Variants in NFRKB observed in about 807,000 individuals in gnomAD.
NFRKB encodes the protein nuclear factor related to kappaB binding protein.
NFRKB carries 62 observed loss-of-function variants against 135.7 expected under a neutral mutation model. That is an observed-to-expected ratio of 0.46 (90% CI 0.37 to 0.56). The LOEUF (loss-of-function observed/expected upper bound fraction) is 0.56, where lower values mean the gene tolerates loss of function less well. Among genes scored for constraint, NFRKB ranks in the 20% least tolerant of loss-of-function variants. The probability of loss-of-function intolerance (pLI) is 0.00; values close to 1 mark genes in which losing one functional copy is unlikely to be tolerated. For missense variants in NFRKB, 1,545 were observed against 1,662.0 expected, an observed-to-expected ratio of 0.93 and a Z score of 1.22; for synonymous variants, 678 against 635.6, an observed-to-expected ratio of 1.07 and a Z score of -1.00.
chr11:129,870,361 T>A lies in NFRKB; in HGVS notation c.2764-100A>T, dbSNP rs910886237. The A allele has an allele frequency of 2.0e-5, 20 of 1,016,718 alleles. No individual in the cohort carries two copies. The African/African-American group carries it at 3.4e-4, about 17-fold the overall frequency. The allele number at this position is 1,016,718 out of a possible 1,614,324, so 63.0% of individuals were successfully genotyped here. On this transcript the variant is annotated intron_variant, in intron 23 of 26. Coordinates refer to ENST00000682444, the MANE Select transcript of NFRKB (RefSeq NM_001143835.2). ...CCGTTTCATGGGTAGATGTTTTGTA[T>A]TTTTTTTTTAACTTTTTATTTTGCA...
intron 13 of NFRKB, among the ~76,000 whole-genome samples, chr11:129,879,413 G>A (rs1369575197): frequency 2.6e-5 from 4 of 152,116 alleles, no homozygotes; most frequent in Admixed American, 6.5e-5. Flanking sequence ...CAGATGGGGG[G>A]AGTGCTTGCA....
At chr11:129,870,685 G>A (rs2135639650) in intron 23 of NFRKB, among the ~76,000 whole-genome samples, 1 of 152,226 alleles carries the variant, frequency 6.6e-6, no homozygotes, top group African/African-American at 2.4e-5. Flanking sequence ...TCCTGCCTCA[G>A]TCTCCTGAGT....
At chr11:129,882,886 C>A (rs531660070) in intron 9 of NFRKB, among the ~76,000 whole-genome samples, 2 of 152,072 alleles carry the variant, frequency 1.3e-5, no homozygotes, top group Non-Finnish European at 2.9e-5. Flanking sequence ...CCGGTTCAAG[C>A]GATTCTCCCA....
At chr11:129,872,763 G>C in intron 23 of NFRKB, 121 bp downstream of exon 23, 1 of 1,011,394 alleles carries the variant, frequency 9.9e-7, no homozygotes, top group Non-Finnish European at 1.5e-6. Context: ...TCTATAAGCT[G>C]AGAGTCGAAG....
In NFRKB at chr11:129,869,025, A is replaced by C. The variant is rs528629168; in HGVS notation, c.3531+469T>G. ...ACAAGAGTGAGACTCCATCTCAAAA[A>C]TAAACAAACAAATAAAGCAAATCAC... On this transcript the variant is annotated intron_variant, in intron 24 of 26. Coordinates refer to ENST00000682444, the MANE Select transcript of NFRKB (RefSeq NM_001143835.2). Among the ~76,000 whole-genome samples the C allele has an allele frequency of 9.2e-5, 14 of 152,338 alleles. No homozygotes were observed. The East Asian group carries it at 1.9e-3, about 21-fold the overall frequency.
chr11:129,866,119 G>A (rs1194640772), intron 24 of NFRKB, 136 bp from the exon 25 acceptor site: 3 of 677,908 alleles, frequency 4.4e-6, no homozygotes, highest in Non-Finnish European at 7.2e-6. Flanking sequence ...GGGTCTCAAG[G>A]CTCCTGAGGT....
At chr11:129,879,576 G>A (rs1186319982) in intron 13 of NFRKB, among the ~76,000 whole-genome samples, 1 of 152,148 alleles carries the variant, frequency 6.6e-6, no homozygotes, top group African/African-American at 2.4e-5. Flanking sequence ...GGAGGCAAAT[G>A]ACCACTCCCC....
chr11:129,879,770 A>G lies in NFRKB; in HGVS notation c.1385-1227T>C, dbSNP rs549523704. Among the ~76,000 whole-genome samples, 7 of 152,270 alleles carry G rather than the reference A, an allele frequency of 4.6e-5. No individual in the cohort carries two copies. The East Asian group carries it at 1.4e-3, about 29-fold the overall frequency. On this transcript the variant is annotated intron_variant, in intron 13 of 26. Transcript: ENST00000682444. ...TGCTTCCTCCTCAGGTAACAGCATC[A>G]TCTGTGCCCTGCACCACACACATGC... is the stretch of plus-strand genomic sequence containing the variant.
chr11:129,876,910 G>A lies in NFRKB; in HGVS notation c.1573-15C>T. ...CTGTAACGCTCCTACCAAGAGACAA[G>A]GGACAAGAGTTCTAGGTCAGAATTA... On this transcript the variant is annotated splice_polypyrimidine_tract_variant and intron_variant, in intron 16 of 26. Transcript: ENST00000682444. The A allele has an allele frequency of 6.2e-7, 1 of 1,610,754 alleles. No individual in the cohort carries two copies.
At chr11:129,870,591 C>T (rs956997583) in intron 23 of NFRKB, among the ~76,000 whole-genome samples, 2 of 151,902 alleles carry the variant, frequency 1.3e-5, no homozygotes, top group East Asian at 3.9e-4. Flanking sequence ...CTTTTTGAGA[C>T]GGGGTCTTGC....
chr11:129,872,980 C>G lies in NFRKB; in HGVS notation c.2667G>C (p.Val889=), dbSNP rs1948586198. ...VTSLPATASP[V]SKPATSSPGT... ...CAGGAGAACTCGTGGCTGGCTTACT[C>G]ACAGGGCTGGCTGTGGCAGGGAGAC... The change falls in exon 23 of 27, where the codon GTG becomes GTC. Residue 889 remains valine (V), a synonymous_variant. Transcript: ENST00000682444. The G allele has an allele frequency of 6.2e-7, 1 of 1,614,054 alleles. No homozygotes were observed. Among genetic ancestry groups the G allele is most frequent in the Non-Finnish European group, 8.5e-7 (1 of 1,180,008 alleles).
rs762003664 is a variant in NFRKB, at chr11:129,865,111, G to A, written c.3639-10C>T. ...GCCCAACCCACTGAGGCTGTGGAGG[G>A]AAAGCAGGGGTGAGATATAATGATA... On this transcript the variant is annotated splice_polypyrimidine_tract_variant and intron_variant, in intron 25 of 26. Coordinates refer to ENST00000682444, the MANE Select transcript of NFRKB (RefSeq NM_001143835.2). The A allele has an allele frequency of 5.6e-6, 9 of 1,605,846 alleles. No individual in the cohort carries two copies. The South Asian group carries it at 9.9e-5, about 18-fold the overall frequency.
Position 129,885,551 on chromosome 11 carries a change from G to A in NFRKB, c.524C>T (p.Pro175Leu). Residue 175 changes from proline to leucine, a missense_variant, in exon 6 of 27, where the codon CCT (proline) becomes CTT (leucine). Pro to Leu is a moderately conservative substitution (Grantham distance 98). Transcript: ENST00000682444. ...GPALPFRQKR[P>L]SPSRTPEERE... Reference sequence around the variant, plus strand: ...CTCCTCAGGTGTGCGGGATGGTGAAGGGCGTTTCTGCCGGAAGGGAAGGGC... The same window carrying A: ...CTCCTCAGGTGTGCGGGATGGTGAAAGGCGTTTCTGCCGGAAGGGAAGGGC... The A allele has an allele frequency of 6.2e-7, 1 of 1,613,982 alleles. No homozygotes were observed. Among genetic ancestry groups the A allele is most frequent in the Non-Finnish European group, 8.5e-7 (1 of 1,179,822 alleles).
intron 15 of NFRKB, among the ~76,000 whole-genome samples, 182 bp downstream of exon 15, chr11:129,878,126 GC>G (rs751555456): frequency 1.4e-4 from 21 of 152,224 alleles, no homozygotes; most frequent in Non-Finnish European, 2.9e-4. Context: ...CTCCACCACA[GC>G]CCCTTCCACA....
intron 2 of NFRKB, chr11:129,893,136 A>T: frequency 1.6e-6 from 2 of 1,255,082 alleles, no homozygotes; most frequent in Non-Finnish European, 2.1e-6. Flanking sequence ...TTCATTTTAC[A>T]GATGAGTAAA....
Position 129,874,246 on chromosome 11 carries a change from G to C in NFRKB, c.2146C>G (p.Pro716Ala), listed in dbSNP as rs755272510. ...SQMSLSDSSM[P>A]PTPVTPVTPT... is the part of the protein sequence containing the mutation. ...GTTACAGGTGTGACTGGGGTGGGTG[G>C]CATACTGGAGTCACTGAGGCTCATC... Residue 716 changes from proline to alanine, a missense_variant, in exon 21 of 27, where the codon CCA becomes GCA. By Grantham distance (27) the Pro-to-Ala change is conservative (BLOSUM62 -1). This residue lies in a region of NFRKB where 753 missense variants were observed against 804.3 expected (regional missense o/e 0.94). Transcript: ENST00000682444. The surrounding 1 kb of genome is among the most constrained non-coding windows in gnomAD (Gnocchi z 4.5). 1 of 1,517,572 alleles carries C rather than the reference G, an allele frequency of 6.6e-7. No homozygotes were observed. The highest frequency in any genetic ancestry group is 8.8e-7 in the Non-Finnish European group (1 of 1,135,296). 94.0% of individuals were successfully genotyped at this position (1,517,572 alleles called of 1,614,324 possible). A position where few individuals can be genotyped will look rare whatever the true frequency, so the allele number is the denominator to read the frequency against.
rs372862451 is a variant in NFRKB at position 129,889,767 on chromosome 11, A to G, written c.136-972T>C. Among the ~76,000 whole-genome samples the G allele has an allele frequency of 2.0e-4, 30 of 151,558 alleles. No individual in the cohort carries two copies. In the South Asian group the frequency reaches 5.4e-3, roughly 27 times the overall value. On this transcript the variant is annotated intron_variant, in intron 3 of 26. Transcript: ENST00000682444. Reference sequence around the variant, plus strand: ...AAAGAGAAAAAAGACGGTGGGGGAGAAGGTTAGAAATCCACAGAGCAACAC... The same window carrying G: ...AAAGAGAAAAAAGACGGTGGGGGAGGAGGTTAGAAATCCACAGAGCAACAC...
At chr11:129,886,223 G>C (rs574650058) in intron 5 of NFRKB, 94 bp downstream of exon 5, 2 of 1,425,910 alleles carry the variant, frequency 1.4e-6, no homozygotes, top group East Asian at 4.6e-5. Context: ...TTTTTTCTTC[G>C]TGGCAATTTT....
At chr11:129,885,764 C>T (rs184285705) in intron 5 of NFRKB, among the ~76,000 whole-genome samples, 155 bp from the exon 6 acceptor site, 5 of 152,146 alleles carry the variant, frequency 3.3e-5, no homozygotes, top group Admixed American at 6.5e-5. Context: ...TTAATATATC[C>T]GAAGAATCTG....
Sources: gnomAD v4.1 joint callset for allele counts (sites outside exome capture counted in the v4.1 genomes callset) on GRCh38, gnomAD v4.1.1 for gene constraint, gnomAD v4.1.1 regional missense constraint, Gnocchi (gnomAD v3.1) non-coding constraint, MANE v1.5 for transcripts, NCBI Gene and HGNC (gene_info 2026-07-23, HGNC 2026-07-21) for gene names.